Variants in UVRAG observed in about 807,000 individuals in gnomAD.
UVRAG encodes the protein UV radiation resistance-associated gene protein.
UVRAG carries 19 observed loss-of-function variants against 78.0 expected under a neutral mutation model. That is an observed-to-expected ratio of 0.24 (90% CI 0.17 to 0.36). The LOEUF is 0.36. Ranked by LOEUF, UVRAG falls within the 10% of genes least tolerant of loss-of-function variation. The pLI is 1.00. For missense variants in UVRAG, 740 were observed against 853.8 expected (o/e 0.87, Z 1.66); for synonymous variants, 323 against 324.6 (o/e 1.00, Z 0.05).
chr11:76,074,368 C>T (rs941841028), intron 13 of UVRAG, among the ~76,000 whole-genome samples: 1 of 152,178 alleles, frequency 6.6e-6, no homozygotes, highest in Admixed American at 6.5e-5. Context: ...AATTTGCATT[C>T]CAGGAATGAT....
chr11:75,961,613 C>A (rs145677611), intron 7 of UVRAG, 64 bp downstream of exon 7: 305 of 1,308,386 alleles, frequency 2.3e-4, no homozygotes, highest in Non-Finnish European at 3.1e-4. Flanking sequence ...TCATATTCTT[C>A]TAGGGTTAAT....
At chr11:75,991,359 C>G (rs1013618682) in intron 8 of UVRAG, among the ~76,000 whole-genome samples, 1 of 152,160 alleles carries the variant, frequency 6.6e-6, no homozygotes, top group African/African-American at 2.4e-5. Flanking sequence ...AGATCATTAA[C>G]TTTCAAAATG....
At chr11:76,093,627 A>G (rs896862840) in intron 13 of UVRAG, among the ~76,000 whole-genome samples, 1 of 152,100 alleles carries the variant, frequency 6.6e-6, no homozygotes, top group African/African-American at 2.4e-5. Context: ...GCAGTTGTGA[A>G]TGGGAGTTCA....
Position 75,961,544 on chromosome 11 carries a change from G to A in UVRAG, c.694G>A (p.Glu232Lys). The stretch of plus-strand genomic sequence containing the variant: ...ACTAAGACTCACATCTACAAGCAAT[G>A]AACTGGTAGGTTTTTATGTATTTAC... ...EKLRLTSTSN[E>K]LKKKSECLQL... Residue 232 changes from glutamate (E) to lysine (K), a missense_variant, in exon 7 of 15, where the codon GAA becomes AAA. Physicochemically the swap from Glu to Lys is moderately conservative, Grantham distance 56. Transcript: ENST00000356136. 1 of 1,594,878 alleles carries A rather than the reference G, an allele frequency of 6.3e-7. No individual in the cohort carries two copies. The highest frequency in any genetic ancestry group is 1.1e-5 in the South Asian group (1 of 87,050).
intron 1 of UVRAG, among the ~76,000 whole-genome samples, chr11:75,833,540 T>A (rs1001782560): frequency 6.6e-6 from 1 of 152,142 alleles, no homozygotes; most frequent in African/African-American, 2.4e-5. Context: ...ACCAGCTCGG[T>A]CAGGGAGACC....
intron 12 of UVRAG, among the ~76,000 whole-genome samples, chr11:76,039,796 A>T (rs1591165026): frequency 6.6e-6 from 1 of 152,156 alleles, no homozygotes; most frequent in Non-Finnish European, 1.5e-5. Context: ...GATCGCTTGA[A>T]CCCAGGAGGC....
At chr11:76,104,193 G>A (rs1951931838) in intron 13 of UVRAG, among the ~76,000 whole-genome samples, 1 of 152,056 alleles carries the variant, frequency 6.6e-6, no homozygotes, top group Admixed American at 6.6e-5. Flanking sequence ...TACCTTTAGG[G>A]TTACTATGAA....
At chr11:76,127,818 G>A (rs1214736937) in intron 14 of UVRAG, among the ~76,000 whole-genome samples, 7 of 151,948 alleles carry the variant, frequency 4.6e-5, no homozygotes, top group Non-Finnish European at 2.9e-5. Flanking sequence ...TTAGCCGGAC[G>A]TGGTAGTGTA....
chr11:75,996,643 C>T (rs1784389720), intron 8 of UVRAG, among the ~76,000 whole-genome samples: 1 of 152,106 alleles, frequency 6.6e-6, no homozygotes, highest in Admixed American at 6.5e-5. Flanking sequence ...GAATTGTGAG[C>T]AATTCCAGTA....
intron 3 of UVRAG, among the ~76,000 whole-genome samples, chr11:75,876,741 T>C (rs1401303440): frequency 2.0e-5 from 3 of 151,520 alleles, no homozygotes; most frequent in Non-Finnish European, 4.4e-5. Flanking sequence ...TAGTTACCCT[T>C]ATCTGAAGAC....
rs913764060 is a variant in UVRAG at position 75,832,907 on chromosome 11, C to T, written c.117+17383C>T. 2.0e-5 allele frequency among the ~76,000 whole-genome samples: 3 copies of T among 152,100 alleles called. No individual in the cohort carries two copies. In the South Asian group the frequency reaches 6.2e-4, roughly 32 times the overall value. On this transcript the variant is annotated intron_variant, in intron 1 of 14. Transcript: ENST00000356136. Reference sequence around the variant, plus strand: ...CATTATAACAAAAGATGCTTCTGTCCCCCTATACCAAGGGTTTTAGGAGCT... The same window carrying T: ...CATTATAACAAAAGATGCTTCTGTCTCCCTATACCAAGGGTTTTAGGAGCT...
At chr11:75,968,819 A>G (rs1021138133) in intron 7 of UVRAG, among the ~76,000 whole-genome samples, 4 of 152,196 alleles carry the variant, frequency 2.6e-5, no homozygotes, top group African/African-American at 7.2e-5. Context: ...TCTTTGTGGG[A>G]AAAGATTGCT....
rs118111933 is a variant in UVRAG at position 76,107,146 on chromosome 11, A to G, written c.1306-8778A>G. On this transcript the variant is annotated intron_variant, in intron 13 of 14. Transcript: ENST00000356136. ...TGCTTCTAGTTGCTTTCTGGCCAAT[A>G]TAAGATTCCAAAGCAAAGGACCATC... Among the ~76,000 whole-genome samples, 39 of 152,384 alleles carry G rather than the reference A, an allele frequency of 2.6e-4. No individual in the cohort carries two copies. The East Asian group carries it at 6.7e-3, about 26-fold the overall frequency.
rs140120879 is a variant in UVRAG at position 76,036,945 on chromosome 11, T to G, written c.1226+19965T>G. On this transcript the variant is annotated intron_variant, in intron 12 of 14. Coordinates refer to ENST00000356136, the MANE Select transcript of UVRAG (RefSeq NM_003369.4). The stretch of plus-strand genomic sequence containing the variant: ...TCCAGAGTATAGTAGCATAGATATC[T>G]TGACCAACACTGAAACTGCTTGAGA... 5.8e-4 allele frequency among the ~76,000 whole-genome samples: 88 copies of G among 152,274 alleles called. 1 individual carries two copies. In the East Asian group the frequency reaches 0.017, roughly 29 times the overall value.
intron 1 of UVRAG, among the ~76,000 whole-genome samples, chr11:75,829,168 GGGTTCAAAT>G (rs1301559346): frequency 2.0e-5 from 3 of 152,034 alleles, no homozygotes; most frequent in Admixed American, 2.0e-4. Flanking sequence ...TCGAACTCCT[GGGTTCAAAT>G]GGATCCTTCT....
chr11:76,125,877 C>G (rs1298659546), intron 14 of UVRAG, among the ~76,000 whole-genome samples: 1 of 151,988 alleles, frequency 6.6e-6, no homozygotes, highest in African/African-American at 2.4e-5. Flanking sequence ...TCAGATCTTA[C>G]CATCTGTACC....
At chr11:75,919,958 T>C (rs2135061232) in intron 6 of UVRAG, among the ~76,000 whole-genome samples, 1 of 143,016 alleles carries the variant, frequency 7.0e-6, no homozygotes, top group East Asian at 2.1e-4. Flanking sequence ...AGCAGGCACA[T>C]AGAAGATTTA....
At chr11:76,105,678 G>A (rs2134451119) in intron 13 of UVRAG, among the ~76,000 whole-genome samples, 1 of 152,262 alleles carries the variant, frequency 6.6e-6, no homozygotes, top group African/African-American at 2.4e-5. Flanking sequence ...TGAGCCTGAG[G>A]TCAAGACTGC....
At chr11:75,835,942 A>G (rs959970824) in intron 1 of UVRAG, among the ~76,000 whole-genome samples, 3 of 152,064 alleles carry the variant, frequency 2.0e-5, no homozygotes, top group African/African-American at 7.2e-5. Flanking sequence ...AAAAAAATAT[A>G]TACAAAAAAT....
Sources: gnomAD v4.1 joint callset for allele counts (sites outside exome capture counted in the v4.1 genomes callset) on GRCh38, gnomAD v4.1.1 for gene constraint, MANE v1.5 for transcripts, NCBI Gene and HGNC (gene_info 2026-07-23, HGNC 2026-07-21) for gene names.